Variants in MIER2 observed in about 807,000 individuals in gnomAD.
The protein encoded by MIER2 is mesoderm induction early response protein 2.
MIER2 carries 30 observed loss-of-function variants against 67.6 expected under a neutral mutation model. The ratio of observed to expected loss-of-function variants is 0.44; its 90% confidence interval spans 0.33 to 0.60. The LOEUF (loss-of-function observed/expected upper bound fraction) is 0.60. Among genes scored for constraint, MIER2 ranks in the 20% least tolerant of loss-of-function variants. MIER2 has a pLI of 0.02. For synonymous variants in MIER2, 372 were observed against 312.6 expected (o/e 1.19, Z -2.00); for missense variants, 702 against 745.1 (o/e 0.94, Z 0.67).
chr19:330,596 T>C (rs1568233662), intron 3 of MIER2, among the ~76,000 whole-genome samples: 1 of 148,736 alleles, frequency 6.7e-6, no homozygotes, highest in Non-Finnish European at 1.5e-5. Context: ...CTGGTGGTGA[T>C]ATCAACTGTT....
intron 10 of MIER2, among the ~76,000 whole-genome samples, chr19:311,635 G>C (rs1014139803): frequency 3.3e-5 from 5 of 152,164 alleles, no homozygotes; most frequent in Non-Finnish European, 5.9e-5. Flanking sequence ...CTTTCCCAAA[G>C]CCAGAGCCTT....
At chr19:320,205 T>C (rs908435333) in intron 7 of MIER2, among the ~76,000 whole-genome samples, 1 of 148,074 alleles carries the variant, frequency 6.8e-6, no homozygotes, top group Non-Finnish European at 1.5e-5. Context: ...TGAAGCCTGG[T>C]CTCTACAAAA....
At chr19:327,109 G>C in intron 5 of MIER2, 24 bp downstream of exon 5, 1 of 1,565,258 alleles carries the variant, frequency 6.4e-7, no homozygotes, top group South Asian at 1.2e-5. Context: ...GGCTGCGGTG[G>C]AGTATGGGGA....
At chr19:336,032 AG>A (rs1415497318) in intron 2 of MIER2, 50 bp downstream of exon 2, 1 of 1,560,646 alleles carries the variant, frequency 6.4e-7, no homozygotes, top group Non-Finnish European at 8.8e-7. Flanking sequence ...TGTCTCTCAC[AG>A]CCACAAAGGC....
intron 9 of MIER2, 42 bp from the exon 10 acceptor site, chr19:311,981 C>A (rs562209878): frequency 1.9e-6 from 3 of 1,574,166 alleles, no homozygotes; most frequent in Non-Finnish European, 2.6e-6. Flanking sequence ...GTGCCCAGGG[C>A]GGGGCCGCAG....
rs565868915 is a variant in MIER2 at position 337,134 on chromosome 19, G to A, written c.10-961C>T. ...GCTGGCATTATGGGTGTGAGCTACC[G>A]CAAGCCACGATATCTCTCATGTACA... On this transcript the variant is annotated intron_variant, in intron 1 of 13. Transcript: ENST00000264819. 1.2e-4 allele frequency among the ~76,000 whole-genome samples: 18 copies of A among 152,120 alleles called. No individual in the cohort carries two copies. The South Asian group carries it at 2.1e-3, about 18-fold the overall frequency.
Position 327,161 on chromosome 19 carries a change from G to A in MIER2, c.465C>T (p.Ala155=). Residue 155 remains alanine, a synonymous_variant, in exon 5 of 14, where the codon GCC becomes GCT. Coordinates refer to ENST00000264819, the MANE Select transcript of MIER2 (RefSeq NM_017550.3). ...DLTPSVTSHE[A]SDLFPNRSGS... Reference sequence around the variant, plus strand: ...CACTCCGGTTAGGGAAGAGGTCGGAGGCCTCGTGGGAGGTCACGGACGGGG... The same window carrying A: ...CACTCCGGTTAGGGAAGAGGTCGGAAGCCTCGTGGGAGGTCACGGACGGGG... The A allele has an allele frequency of 6.3e-7, 1 of 1,591,492 alleles. No homozygotes were observed. Among genetic ancestry groups the A allele is most frequent in the Middle Eastern group, 1.7e-4 (1 of 5,946 alleles).
At chr19:307,832 A>T (rs1477541382) in intron 12 of MIER2, among the ~76,000 whole-genome samples, 1 of 152,014 alleles carries the variant, frequency 6.6e-6, no homozygotes, top group East Asian at 1.9e-4. Context: ...TGCAGAGGGT[A>T]AATACAGGGT....
chr19:320,231 T>C (rs1485234270), intron 7 of MIER2, among the ~76,000 whole-genome samples: 4 of 144,856 alleles, frequency 2.8e-5, no homozygotes, highest in African/African-American at 9.8e-5. Context: ...AAAAAAAAAA[T>C]TAGCCGGCGT....
At chr19:323,160 A>G (rs1213469983) in intron 7 of MIER2, among the ~76,000 whole-genome samples, 1 of 151,626 alleles carries the variant, frequency 6.6e-6, no homozygotes, top group Non-Finnish European at 1.5e-5. Flanking sequence ...AACCACACAG[A>G]TGACTCAAAT....
At chr19:312,014 GAGA>G in intron 9 of MIER2, 75 bp from the exon 10 acceptor site, 1 of 1,214,722 alleles carries the variant, frequency 8.2e-7, no homozygotes, top group Non-Finnish European at 1.1e-6. Context: ...CCAGGCCGGG[GAGA>G]ACAGTCAGCG....
At chr19:312,014 G>A (rs1971031025) in intron 9 of MIER2, 75 bp from the exon 10 acceptor site, 5 of 1,214,608 alleles carry the variant, frequency 4.1e-6, no homozygotes, top group Non-Finnish European at 5.5e-6. Context: ...CCAGGCCGGG[G>A]AGAACAGTCA....
At chr19:315,238 G>T (rs1469337776) in intron 7 of MIER2, among the ~76,000 whole-genome samples, 1 of 152,020 alleles carries the variant, frequency 6.6e-6, no homozygotes, top group Non-Finnish European at 1.5e-5. Context: ...GGTCATGGGC[G>T]CCTGTAATCT....
At chr19:324,692 A>T (rs1971658491) in intron 7 of MIER2, among the ~76,000 whole-genome samples, 1 of 152,218 alleles carries the variant, frequency 6.6e-6, no homozygotes, top group Non-Finnish European at 1.5e-5. Flanking sequence ...GACTCGAATG[A>T]CACAGGTGTC....
chr19:328,202 G>A (rs1467893049), intron 3 of MIER2, among the ~76,000 whole-genome samples: 1 of 152,206 alleles, frequency 6.6e-6, no homozygotes, highest in Non-Finnish European at 1.5e-5. Flanking sequence ...CAGAGCCTAG[G>A]GGTCACCGGC....
At chr19:339,227 T>C (rs1445048519) in intron 1 of MIER2, among the ~76,000 whole-genome samples, 2 of 152,070 alleles carry the variant, frequency 1.3e-5, no homozygotes, top group African/African-American at 4.8e-5. Flanking sequence ...AAGGAACTTC[T>C]TCTCAGTATA....
chr19:326,475 T>C (rs746176559), intron 6 of MIER2, 32 bp downstream of exon 6: 151 of 1,592,252 alleles, frequency 9.5e-5, no homozygotes, highest in Non-Finnish European at 1.2e-4. Flanking sequence ...ACGGCCGGGA[T>C]GCCAGGTTGG....
chr19:319,589 G>T (rs1971412485), intron 7 of MIER2, among the ~76,000 whole-genome samples: 1 of 152,128 alleles, frequency 6.6e-6, no homozygotes, highest in South Asian at 2.1e-4. Context: ...CTCTCCAGTA[G>T]CTGGGACTAC....
chr19:332,456 C>T lies in MIER2; in HGVS notation c.243+1944G>A, dbSNP rs566077278. Among the ~76,000 whole-genome samples, 513 of 151,710 alleles carry T rather than the reference C, an allele frequency of 3.4e-3. 4 individuals are homozygous for T. The highest frequency in any genetic ancestry group is 0.012 in the African/African-American group (493 of 41,252). ...TGCTGGGATTACAGGCGCCTGCTAC[C>T]ACGCCCGGCTAATTTTTGTATTTTT... On this transcript the variant is annotated intron_variant, in intron 3 of 13. Coordinates refer to ENST00000264819, the MANE Select transcript of MIER2 (RefSeq NM_017550.3).
Sources: gnomAD v4.1 joint callset for allele counts (sites outside exome capture counted in the v4.1 genomes callset) on GRCh38, gnomAD v4.1.1 for gene constraint, MANE v1.5 for transcripts, NCBI Gene and HGNC (gene_info 2026-07-23, HGNC 2026-07-21) for gene names.